ZBTB7C: variants seen among roughly 807,000 people sequenced by gnomAD.
ZBTB7C encodes zinc finger and BTB domain-containing protein 7C.
ZBTB7C carries 8 observed loss-of-function variants against 25.7 expected under a neutral mutation model. The ratio of observed to expected loss-of-function variants is 0.31; its 90% CI spans 0.18 to 0.56. ZBTB7C has a LOEUF of 0.56. Ranked by LOEUF, ZBTB7C falls within the 20% of genes least tolerant of loss-of-function variation. ZBTB7C has a pLI of 0.91. For missense variants in ZBTB7C, 824 were observed against 855.2 expected (o/e 0.96, Z 0.46); for synonymous variants, 394 against 369.0 (o/e 1.07, Z -0.78).
intron 2 of ZBTB7C, among the ~76,000 whole-genome samples, chr18:48,249,421 C>A (rs1046466498): frequency 6.6e-6 from 1 of 152,138 alleles, no homozygotes; most frequent in East Asian, 1.9e-4. Context: ...TGGAATATTA[C>A]GTGGCCATTA....
chr18:48,030,640 G>A (rs1358338508), intron 4 of ZBTB7C, among the ~76,000 whole-genome samples: 2 of 152,200 alleles, frequency 1.3e-5, no homozygotes, highest in African/African-American at 2.4e-5. Flanking sequence ...GGGTGGGGGC[G>A]CCTGCACCTA....
chr18:48,410,938 G>A (rs943707917), upstream of ZBTB7C, among the ~76,000 whole-genome samples: 2 of 152,238 alleles, frequency 1.3e-5, no homozygotes, highest in African/African-American at 4.8e-5. Flanking sequence ...GGGCAGTGGG[G>A]CTGCTGCTGT....
chr18:48,029,999 G>A, intron 4 of ZBTB7C, 88 bp from the exon 5 acceptor site: 1 of 1,562,272 alleles, frequency 6.4e-7, no homozygotes. Flanking sequence ...AGAACCAGCC[G>A]AGGCTCCCTA....
chr18:48,337,871 T>A (rs1167958157), intron 2 of ZBTB7C, among the ~76,000 whole-genome samples: 1 of 152,246 alleles, frequency 6.6e-6, no homozygotes, highest in Non-Finnish European at 1.5e-5. Context: ...TAATGACTTC[T>A]TGATTTGTTA....
At chr18:48,409,530 A>G (rs2048358722), upstream of ZBTB7C, 1 of 146,482 alleles carries the variant, frequency 6.8e-6, no homozygotes, top group Non-Finnish European at 1.5e-5. Context: ...GGGGGCGCAC[A>G]GGGCTAAAGG....
chr18:48,398,625 A>G (rs4264461), intron 1 of ZBTB7C, among the ~76,000 whole-genome samples: 83,280 of 151,876 alleles, frequency 0.55, 23,576 homozygotes, highest in African/African-American at 0.66. Flanking sequence ...ATGAAGCTGC[A>G]TCTGTTCTCT....
At chr18:48,163,753 A>T (rs1270631219) in intron 3 of ZBTB7C, among the ~76,000 whole-genome samples, 2 of 152,232 alleles carry the variant, frequency 1.3e-5, no homozygotes, top group African/African-American at 4.8e-5. Context: ...AAAAACCAGT[A>T]AGCTAGTGAC....
intron 3 of ZBTB7C, among the ~76,000 whole-genome samples, chr18:48,092,796 T>G (rs1261975084): frequency 1.3e-5 from 2 of 152,236 alleles, no homozygotes; most frequent in Non-Finnish European, 2.9e-5. Flanking sequence ...GATTTGTAAG[T>G]TATTCATGCA....
chr18:48,215,494 G>A (rs2042801958), intron 2 of ZBTB7C, among the ~76,000 whole-genome samples: 1 of 152,202 alleles, frequency 6.6e-6, no homozygotes. Flanking sequence ...ACAACTTGAA[G>A]CAGTGAATTA....
At chr18:48,305,201 A>G (rs1210923070) in intron 2 of ZBTB7C, among the ~76,000 whole-genome samples, 1 of 152,206 alleles carries the variant, frequency 6.6e-6, no homozygotes, top group Admixed American at 6.5e-5. Flanking sequence ...CTTTGAGGAC[A>G]TAAAGTGGGG....
intron 2 of ZBTB7C, among the ~76,000 whole-genome samples, chr18:48,335,078 G>A (rs998836863): frequency 1.3e-5 from 2 of 152,208 alleles, no homozygotes; most frequent in African/African-American, 4.8e-5. Flanking sequence ...TCTGGATAAA[G>A]GGGCACCACA....
chr18:48,202,138 G>A (rs542177977), intron 2 of ZBTB7C, among the ~76,000 whole-genome samples: 18 of 152,336 alleles, frequency 1.2e-4, no homozygotes, highest in African/African-American at 3.4e-4. Context: ...TCCTGCTCAC[G>A]CTCAGGCACT....
intron 3 of ZBTB7C, among the ~76,000 whole-genome samples, chr18:48,084,472 C>T (rs574064607): frequency 3.3e-4 from 51 of 152,320 alleles, no homozygotes; most frequent in African/African-American, 1.2e-3. Context: ...GAGGTCCCTG[C>T]AGCTCCTCTG....
At chr18:48,050,868 T>G (rs1382301336) in intron 3 of ZBTB7C, among the ~76,000 whole-genome samples, 1 of 152,194 alleles carries the variant, frequency 6.6e-6, no homozygotes, top group African/African-American at 2.4e-5. Flanking sequence ...GAGCTTTACT[T>G]TCAGGAAAGC....
chr18:48,067,697 T>C (rs1214886236), intron 3 of ZBTB7C, among the ~76,000 whole-genome samples: 1 of 152,094 alleles, frequency 6.6e-6, no homozygotes, highest in Non-Finnish European at 1.5e-5. Flanking sequence ...ACGAGCCAAT[T>C]CTGTAAAATA....
At chr18:48,412,462 G>T (rs1221276062), upstream of ZBTB7C, among the ~76,000 whole-genome samples, 4 of 152,148 alleles carry the variant, frequency 2.6e-5, no homozygotes, top group Non-Finnish European at 4.4e-5. Flanking sequence ...GGTGGTAATG[G>T]CCATGTTGCC....
intron 2 of ZBTB7C, among the ~76,000 whole-genome samples, chr18:48,309,253 C>A (rs938454765): frequency 6.6e-6 from 1 of 152,202 alleles, no homozygotes; most frequent in African/African-American, 2.4e-5. Context: ...AGGGCTACAT[C>A]CAGGTTATGA....
At chr18:48,104,569 A>G (rs1342866654) in intron 3 of ZBTB7C, among the ~76,000 whole-genome samples, 1 of 152,240 alleles carries the variant, frequency 6.6e-6, no homozygotes, top group Non-Finnish European at 1.5e-5. Flanking sequence ...GTATGTACAT[A>G]TGTATGTATC....
At chr18:48,138,736 A>C (rs4076364) in intron 3 of ZBTB7C, among the ~76,000 whole-genome samples, 104,976 of 152,074 alleles carry the variant, frequency 0.69, 36,526 homozygotes, top group African/African-American at 0.76. Flanking sequence ...AACACCCAAG[A>C]CAAAGACTGA....
Sources: gnomAD v4.1 joint callset for allele counts (sites outside exome capture counted in the v4.1 genomes callset) on GRCh38, gnomAD v4.1.1 for gene constraint, MANE v1.5 for transcripts, NCBI Gene and HGNC (gene_info 2026-07-23, HGNC 2026-07-21) for gene names.